The following TNR variants were observed in gnomAD, a reference collection of about 807,000 sequenced individuals.
The protein encoded by TNR is tenascin-R.
In TNR, 45 loss-of-function variants were observed where a neutral mutation model predicts 150.4. The observed-to-expected ratio is 0.30, with a 90% CI of 0.24 to 0.38. The LOEUF is 0.38. TNR is among the 10% of genes least tolerant of loss of function. The pLI is 1.00. For synonymous variants in TNR, 687 were observed against 678.4 expected (o/e 1.01, Z -0.20); for missense variants, 1,544 against 1,759.1 (o/e 0.88, Z 2.19).
At chr1:175,532,362 T>C (rs1237785136) in intron 1 of TNR, among the ~76,000 whole-genome samples, 1 of 152,226 alleles carries the variant, frequency 6.6e-6, no homozygotes, top group Non-Finnish European at 1.5e-5. Context: ...TTTAGGCAAC[T>C]GTTGGTGATC....
chr1:175,592,838 G>C (rs913413595), intron 1 of TNR, among the ~76,000 whole-genome samples: 2 of 152,286 alleles, frequency 1.3e-5, no homozygotes, highest in African/African-American at 4.8e-5. Flanking sequence ...GTTGGGCAGT[G>C]ATTTTAAAAG....
intron 2 of TNR, among the ~76,000 whole-genome samples, chr1:175,480,423 GA>G (rs1657743390): frequency 7.1e-6 from 1 of 141,222 alleles, no homozygotes; most frequent in Non-Finnish European, 1.5e-5. Flanking sequence ...AAAGAAAAAA[GA>G]AAGAAAGAAA....
At chr1:175,520,932 T>A (rs1659613033) in intron 2 of TNR, among the ~76,000 whole-genome samples, 1 of 152,184 alleles carries the variant, frequency 6.6e-6, no homozygotes, top group Non-Finnish European at 1.5e-5. Flanking sequence ...CCATTGTGGA[T>A]AAACAAGTCT....
chr1:175,673,939 C>T (rs1665777900), intron 1 of TNR, among the ~76,000 whole-genome samples: 1 of 152,234 alleles, frequency 6.6e-6, no homozygotes, highest in Admixed American at 6.5e-5. Flanking sequence ...GTGCCATCCA[C>T]CTAGGAGGTG....
intron 2 of TNR, among the ~76,000 whole-genome samples, chr1:175,411,172 G>A (rs1654192983): frequency 6.6e-6 from 1 of 152,164 alleles, no homozygotes; most frequent in South Asian, 2.1e-4. Flanking sequence ...ATACAGACTA[G>A]CATTGCTAAT....
chr1:175,739,080 C>A (rs1186863824), intron 1 of TNR, among the ~76,000 whole-genome samples: 1 of 152,152 alleles, frequency 6.6e-6, no homozygotes, highest in Non-Finnish European at 1.5e-5. Context: ...TCTGTGGGAT[C>A]CCAGCTGGCA....
chr1:175,503,591 C>CT (rs1188243083), intron 2 of TNR, among the ~76,000 whole-genome samples: 1 of 152,102 alleles, frequency 6.6e-6, no homozygotes, highest in African/African-American at 2.4e-5. Flanking sequence ...CACAAGGTAC[C>CT]TTGGGCCCCG....
intron 1 of TNR, among the ~76,000 whole-genome samples, chr1:175,712,743 C>T (rs6696011): frequency 0.053 from 8,050 of 152,128 alleles, 716 homozygotes; most frequent in African/African-American, 0.18. Flanking sequence ...AGTGCTTGCT[C>T]CCCCTTTGCC....
intron 2 of TNR, among the ~76,000 whole-genome samples, chr1:175,416,811 G>A (rs1186711912): frequency 6.6e-6 from 1 of 152,076 alleles, no homozygotes; most frequent in Non-Finnish European, 1.5e-5. Context: ...GATCGAGACT[G>A]TCCTGGTTAA....
intron 15 of TNR, among the ~76,000 whole-genome samples, chr1:175,358,125 A>T (rs573590237): frequency 6.6e-6 from 1 of 152,316 alleles, no homozygotes; most frequent in South Asian, 2.1e-4. Flanking sequence ...GGTGATAATT[A>T]AAAAATGCGG....
chr1:175,721,555 T>C (rs899691297), intron 1 of TNR, among the ~76,000 whole-genome samples: 2 of 152,160 alleles, frequency 1.3e-5, no homozygotes, highest in African/African-American at 4.8e-5. Flanking sequence ...GCTGTAATCC[T>C]GCTCCTGACA....
intron 2 of TNR, among the ~76,000 whole-genome samples, chr1:175,417,069 AAGAAAG>A (rs1557920344): frequency 3.7e-4 from 52 of 139,618 alleles, no homozygotes; most frequent in African/African-American, 1.3e-3. Context: ...GAAAGAAAGA[AAGAAAG>A]AAATCTAAGA....
intron 1 of TNR, among the ~76,000 whole-genome samples, chr1:175,634,451 T>A (rs1027217142): frequency 2.6e-5 from 4 of 152,196 alleles, no homozygotes; most frequent in Non-Finnish European, 5.9e-5. Context: ...TCACATTTTG[T>A]TTTCTTGGCT....
intron 1 of TNR, among the ~76,000 whole-genome samples, chr1:175,658,287 G>C (rs1453926844): frequency 6.6e-6 from 1 of 152,130 alleles, no homozygotes; most frequent in Non-Finnish European, 1.5e-5. Flanking sequence ...ATGGGGAGAA[G>C]AAATGAGGCA....
chr1:175,522,344 G>A (rs1284883383), intron 2 of TNR, among the ~76,000 whole-genome samples: 4 of 152,218 alleles, frequency 2.6e-5, no homozygotes, highest in East Asian at 1.9e-4. Flanking sequence ...ATAAGTGGGA[G>A]CTAAGCTATG....
chr1:175,364,808 C>G (rs1479824311), intron 12 of TNR, among the ~76,000 whole-genome samples: 2 of 152,216 alleles, frequency 1.3e-5, no homozygotes, highest in Non-Finnish European at 2.9e-5. Flanking sequence ...CTTTGTCCCA[C>G]CTTCCAAGTG....
chr1:175,741,072 C>G (rs373393180), intron 1 of TNR, among the ~76,000 whole-genome samples: 7 of 152,362 alleles, frequency 4.6e-5, no homozygotes, highest in Admixed American at 3.3e-4. Context: ...CTTGAGACTT[C>G]TGGCTGATTC....
chr1:175,674,699 T>C (rs974419520), intron 1 of TNR, among the ~76,000 whole-genome samples: 1 of 152,122 alleles, frequency 6.6e-6, no homozygotes, highest in Non-Finnish European at 1.5e-5. Context: ...CAAACAGCAA[T>C]GTCCTAGCGC....
At chr1:175,503,040 G>C (rs1658802068) in intron 2 of TNR, among the ~76,000 whole-genome samples, 1 of 149,844 alleles carries the variant, frequency 6.7e-6, no homozygotes, top group Non-Finnish European at 1.5e-5. Context: ...CTGCTCCCCA[G>C]GGTGTCCACA....
Sources: allele counts gnomAD v4.1 joint callset (sites outside exome capture counted in the v4.1 genomes callset), GRCh38; gene constraint gnomAD v4.1.1; transcripts MANE v1.5; gene names NCBI Gene and HGNC (gene_info 2026-07-23, HGNC 2026-07-21).